Variants in EVL observed in about 807,000 individuals in gnomAD.
EVL encodes the protein Enah/Vasp-like.
EVL carries 21 observed loss-of-function variants against 59.6 expected under a neutral mutation model. That is an observed-to-expected ratio of 0.35 (90% CI 0.25 to 0.51). EVL has a LOEUF of 0.51. Ranked by LOEUF, EVL falls within the 20% of genes least tolerant of loss-of-function variation. The probability of loss-of-function intolerance (pLI) is 0.97; values close to 1 mark genes in which losing one functional copy is unlikely to be tolerated. For missense variants in EVL, 462 were observed against 546.6 expected (o/e 0.85, Z 1.54); for synonymous variants, 198 against 203.5 (o/e 0.97, Z 0.23).
chr14:100,091,350 G>A (rs1825688976), intron 2 of EVL, among the ~76,000 whole-genome samples: 1 of 152,112 alleles, frequency 6.6e-6, no homozygotes, highest in Admixed American at 6.5e-5. Flanking sequence ...GCTACAGAGA[G>A]GCCGAGGAGA....
rs1199733398 is a variant in EVL, at chr14:100,127,630, C to T, written c.487+859C>T. 6.6e-6 allele frequency among the ~76,000 whole-genome samples: 1 copy of T among 152,188 alleles called. No homozygotes were observed. The highest frequency in any genetic ancestry group is 1.5e-5 in the Non-Finnish European group (1 of 68,038). The stretch of plus-strand genomic sequence containing the variant: ...CCTCTAGTGCCTCGCAAGCACTTCC[C>T]ATCCTTTTCCTCCTTCCTCACACTT... On this transcript the variant is annotated intron_variant, in intron 5 of 13. Transcript: ENST00000392920. The surrounding 1 kb of genome is among the most constrained non-coding windows in gnomAD (Gnocchi z 4.2).
At chr14:100,087,805 C>A (rs1295665969) in intron 2 of EVL, among the ~76,000 whole-genome samples, 1 of 149,910 alleles carries the variant, frequency 6.7e-6, no homozygotes, top group African/African-American at 2.5e-5. Flanking sequence ...GTGGGTCATT[C>A]TTCCCGCAGA....
chr14:100,106,618 G>A (rs1886589283), intron 3 of EVL: 3 of 386,374 alleles, frequency 7.8e-6, no homozygotes, highest in Non-Finnish European at 1.4e-5. Context: ...CCGAATTTAG[G>A]TAGGTAGGTT....
intron 1 of EVL, among the ~76,000 whole-genome samples, chr14:100,072,827 C>G (rs1359754963): frequency 1.3e-5 from 2 of 152,152 alleles, no homozygotes; most frequent in Non-Finnish European, 2.9e-5. Flanking sequence ...AGCTTCAAAG[C>G]AGGAAGTAAA....
At chr14:100,046,079 C>G (rs985376039) in intron 1 of EVL, among the ~76,000 whole-genome samples, 1 of 152,122 alleles carries the variant, frequency 6.6e-6, no homozygotes, top group Non-Finnish European at 1.5e-5. Flanking sequence ...TGTAGGATTC[C>G]TTTCTCTGTA....
intron 1 of EVL, among the ~76,000 whole-genome samples, chr14:100,012,652 C>T (rs924580694): frequency 1.3e-5 from 2 of 152,186 alleles, no homozygotes; most frequent in Non-Finnish European, 2.9e-5. Flanking sequence ...ATTCTGTGTG[C>T]CAGGCCTGGG....
At chr14:100,137,469 C>G in intron 9 of EVL, 109 bp from the exon 10 acceptor site, 1 of 1,194,550 alleles carries the variant, frequency 8.4e-7, no homozygotes, top group South Asian at 1.2e-5. Context: ...CCACGGGGCT[C>G]TGCACCCTTG....
intron 1 of EVL, among the ~76,000 whole-genome samples, chr14:99,988,113 TC>T (rs1395782182): frequency 1.3e-5 from 2 of 151,772 alleles, no homozygotes; most frequent in Non-Finnish European, 2.9e-5. Context: ...ATGGGGTTTC[TC>T]CATGTTGGTC....
chr14:100,063,436 A>G (rs1267912709), upstream of EVL, among the ~76,000 whole-genome samples: 1 of 152,244 alleles, frequency 6.6e-6, no homozygotes, highest in Non-Finnish European at 1.5e-5. Flanking sequence ...ATCATCTTAC[A>G]AAACTCTAAG....
intron 1 of EVL, among the ~76,000 whole-genome samples, chr14:100,073,344 C>G (rs1209575097): frequency 7.1e-6 from 1 of 141,260 alleles, no homozygotes; most frequent in African/African-American, 2.7e-5. Context: ...TTTGGGGAGA[C>G]AGGGTCTTGC....
At chr14:100,064,686 G>A (rs1448981969), upstream of EVL, among the ~76,000 whole-genome samples, 2 of 152,196 alleles carry the variant, frequency 1.3e-5, no homozygotes, top group Non-Finnish European at 2.9e-5. Flanking sequence ...CAAGGCAGGC[G>A]GATCACCTGA....
At chr14:100,072,577 C>A (rs1414945332) in intron 1 of EVL, among the ~76,000 whole-genome samples, 2 of 152,120 alleles carry the variant, frequency 1.3e-5, no homozygotes, top group African/African-American at 4.8e-5. Flanking sequence ...TTTGTTGTAA[C>A]AATGGTATTT....
At chr14:100,096,570 A>G (rs1275989453) in intron 2 of EVL, among the ~76,000 whole-genome samples, 2 of 152,224 alleles carry the variant, frequency 1.3e-5, no homozygotes, top group East Asian at 1.9e-4. Flanking sequence ...CCGATCATTC[A>G]TAAGTGTCAT....
intron 2 of EVL, among the ~76,000 whole-genome samples, chr14:100,090,337 C>G (rs76078961): frequency 0.012 from 1,862 of 152,196 alleles, 34 homozygotes; most frequent in African/African-American, 0.043. Context: ...AACTTGACAG[C>G]TTAGATAAGA....
chr14:100,018,801 G>A (rs1645757944), intron 1 of EVL, among the ~76,000 whole-genome samples: 1 of 152,204 alleles, frequency 6.6e-6, no homozygotes, highest in Admixed American at 6.5e-5. Context: ...TTTCCTTCAT[G>A]GCGAGTCTCA....
chr14:100,078,274 G>A lies in EVL; in HGVS notation c.12-6413G>A, dbSNP rs1010935139. On this transcript the variant is annotated intron_variant, in intron 1 of 13. Coordinates refer to ENST00000392920, the MANE Select transcript of EVL (RefSeq NM_016337.3). ...CTCTTCAAGCCTTTCCCTGGACCCG[G>A]GATTAAAAACACTTGACATAAAAGA... 5.3e-5 allele frequency among the ~76,000 whole-genome samples: 8 copies of A among 152,206 alleles called. No individual in the cohort carries two copies. In the South Asian group the frequency reaches 1.7e-3, roughly 32 times the overall value.
intron 1 of EVL, among the ~76,000 whole-genome samples, chr14:99,976,166 C>T (rs1595535449): frequency 6.6e-6 from 1 of 151,690 alleles, no homozygotes; most frequent in East Asian, 1.9e-4. Flanking sequence ...CAGGCACACG[C>T]CCCCATGGCC....
At position 100,068,938 on chromosome 14, in the gene EVL, G is replaced by A. The variant is rs548280400; in HGVS notation, c.11+3427G>A. On this transcript the variant is annotated intron_variant, in intron 1 of 13. Transcript: ENST00000392920. ...CTTTTGGGGCCAGCCAGTTAATTTCGTTTCCTTCCCTGGTCTCTCTGTTGT... is the reference window on the plus strand; with the variant it reads ...CTTTTGGGGCCAGCCAGTTAATTTCATTTCCTTCCCTGGTCTCTCTGTTGT... Among the ~76,000 whole-genome samples, 5 of 152,258 alleles carry A rather than the reference G, an allele frequency of 3.3e-5. No homozygotes were observed. In the South Asian group the frequency reaches 6.2e-4, roughly 19 times the overall value.
intron 1 of EVL, among the ~76,000 whole-genome samples, chr14:100,013,153 C>A (rs908041532): frequency 6.6e-6 from 1 of 152,128 alleles, no homozygotes; most frequent in Non-Finnish European, 1.5e-5. Flanking sequence ...TCAGGCCTCA[C>A]CTTCTAGCCA....
Sources: allele counts gnomAD v4.1 joint callset (sites outside exome capture counted in the v4.1 genomes callset), GRCh38; gene constraint gnomAD v4.1.1; non-coding constraint Gnocchi (gnomAD v3.1); transcripts MANE v1.5; gene names NCBI Gene and HGNC (gene_info 2026-07-23, HGNC 2026-07-21).